Variants in EXOC2 observed in about 807,000 individuals in gnomAD.
EXOC2 encodes the protein exocyst complex component 2.
Under a neutral mutation model 131.8 loss-of-function variants are expected in EXOC2, and 70 were observed. The ratio of observed to expected loss-of-function variants is 0.53; its 90% CI spans 0.44 to 0.65. The LOEUF is 0.65. Ranked by LOEUF, EXOC2 falls within the 30% of genes least tolerant of loss-of-function variation. The probability of loss-of-function intolerance (pLI) is 0.00; values close to 1 mark genes in which losing one functional copy is unlikely to be tolerated. For synonymous variants in EXOC2, 411 were observed against 398.4 expected, an observed-to-expected ratio of 1.03 and a Z score of -0.38; for missense variants, 923 against 1,108.6, an observed-to-expected ratio of 0.83 and a Z score of 2.38.
intron 22 of EXOC2, among the ~76,000 whole-genome samples, chr6:539,072 G>A (rs1436195603): frequency 1.7e-4 from 24 of 142,210 alleles, no homozygotes; most frequent in Admixed American, 2.1e-4. Flanking sequence ...TCTGTCTGAA[G>A]AAAAAAAAAA....
intron 23 of EXOC2, among the ~76,000 whole-genome samples, chr6:513,233 T>A (rs1764955322): frequency 6.6e-6 from 1 of 152,254 alleles, no homozygotes; most frequent in South Asian, 2.1e-4. Context: ...CCAGACCACG[T>A]GCCGTACCAA....
At chr6:556,425 A>G in intron 18 of EXOC2, 59 bp downstream of exon 18, 1 of 1,561,596 alleles carries the variant, frequency 6.4e-7, no homozygotes. Flanking sequence ...AAAAATTTAC[A>G]ACTATGATTC....
chr6:598,817 T>C (rs1235641881), intron 9 of EXOC2, 43 bp downstream of exon 9: 5 of 1,493,322 alleles, frequency 3.3e-6, no homozygotes, highest in Non-Finnish European at 2.8e-6. Flanking sequence ...ATTCTTCCTA[T>C]AAAAGGAAAG....
intron 11 of EXOC2, among the ~76,000 whole-genome samples, chr6:587,092 G>A (rs1266308965): frequency 2.6e-5 from 4 of 152,036 alleles, no homozygotes; most frequent in Admixed American, 1.3e-4. Context: ...CATCCACCAA[G>A]GGTCCCTAGT....
intron 23 of EXOC2, among the ~76,000 whole-genome samples, chr6:518,077 C>A (rs145426437): frequency 1.3e-5 from 2 of 152,102 alleles, no homozygotes; most frequent in African/African-American, 4.8e-5. Context: ...AAAGCTTCTA[C>A]GAGAATTTGA....
chr6:571,376 T>C (rs1027475350), intron 13 of EXOC2, among the ~76,000 whole-genome samples: 4 of 152,254 alleles, frequency 2.6e-5, no homozygotes, highest in Non-Finnish European at 5.9e-5. Context: ...GTAAATTTTA[T>C]AGGTTAGAAA....
intron 1 of EXOC2, among the ~76,000 whole-genome samples, chr6:653,134 C>G (rs1762909262): frequency 6.6e-6 from 1 of 152,188 alleles, no homozygotes; most frequent in Non-Finnish European, 1.5e-5. Context: ...TTCTCTCTCC[C>G]TCTCCTCAAG....
intron 4 of EXOC2, among the ~76,000 whole-genome samples, chr6:629,404 G>A (rs1042764665): frequency 3.9e-5 from 6 of 152,282 alleles, no homozygotes; most frequent in South Asian, 4.1e-4. Context: ...AGTTAAATAA[G>A]TCTGGATTAA....
Position 549,117 on chromosome 6 carries a change from G to A in EXOC2, c.2238+58C>T. 3 of 1,419,336 alleles carry A rather than the reference G, an allele frequency of 2.1e-6. 1 individual carries two copies. The South Asian group carries it at 3.5e-5, about 16-fold the overall frequency. The allele number at this position is 1,419,336 out of a possible 1,614,324, so 87.9% of individuals were successfully genotyped here. A position where few individuals can be genotyped will look rare whatever the true frequency, so the allele number is the denominator to read the frequency against. On this transcript the variant is annotated intron_variant, in intron 22 of 27. Coordinates refer to ENST00000230449, the MANE Select transcript of EXOC2 (RefSeq NM_018303.6). ...CTAGCAGAACACAGGCTAGGAAACA[G>A]CTTGAAAACTGAGCTGGTAAAACCA...
At chr6:607,699 C>T (rs1039617207) in intron 7 of EXOC2, among the ~76,000 whole-genome samples, 5 of 152,230 alleles carry the variant, frequency 3.3e-5, no homozygotes, top group African/African-American at 7.2e-5. Flanking sequence ...TTGAACAATG[C>T]TGTTCTATAT....
intron 1 of EXOC2, among the ~76,000 whole-genome samples, chr6:653,146 C>G (rs968139213): frequency 3.9e-5 from 6 of 152,196 alleles, no homozygotes; most frequent in Non-Finnish European, 8.8e-5. Context: ...CTCCTCAAGC[C>G]TCCCTATTCC....
At chr6:564,458 TTTC>T in intron 15 of EXOC2, 84 bp downstream of exon 15, 1 of 1,526,634 alleles carries the variant, frequency 6.6e-7, no homozygotes, top group South Asian at 1.2e-5. Context: ...AAAAGAAGAA[TTTC>T]TTCTTCACTG....
At chr6:544,349 A>G (rs1471819034) in intron 22 of EXOC2, among the ~76,000 whole-genome samples, 2 of 152,170 alleles carry the variant, frequency 1.3e-5, no homozygotes, top group Non-Finnish European at 2.9e-5. Context: ...CTCTCTAAGT[A>G]TGTATGTTTA....
chr6:527,777 A>G (rs914148995), intron 23 of EXOC2, among the ~76,000 whole-genome samples: 1 of 152,250 alleles, frequency 6.6e-6, no homozygotes, highest in Non-Finnish European at 1.5e-5. Context: ...TAAGTTCACT[A>G]TTTACCTATA....
chr6:539,659 C>T (rs1766691257), intron 22 of EXOC2, among the ~76,000 whole-genome samples: 1 of 152,072 alleles, frequency 6.6e-6, no homozygotes, highest in Non-Finnish European at 1.5e-5. Context: ...TTAAAATTTC[C>T]AATTTGTGAT....
At chr6:514,659 G>T (rs966069029) in intron 23 of EXOC2, among the ~76,000 whole-genome samples, 5 of 152,212 alleles carry the variant, frequency 3.3e-5, no homozygotes, top group Admixed American at 2.6e-4. Context: ...CTGCTCCAGG[G>T]GCTCCAGGGA....
intron 23 of EXOC2, among the ~76,000 whole-genome samples, chr6:510,049 G>A (rs1040920735): frequency 2.3e-4 from 35 of 151,120 alleles, no homozygotes; most frequent in African/African-American, 8.5e-4. Flanking sequence ...TTTTTCAAGT[G>A]AATTATCTAT....
intron 1 of EXOC2, among the ~76,000 whole-genome samples, chr6:678,131 T>C (rs564486657): frequency 2.7e-4 from 41 of 152,292 alleles, no homozygotes; most frequent in African/African-American, 9.1e-4. Context: ...GCAAAGTGGA[T>C]TGACCAATAT....
chr6:559,746 G>C (rs1192797194), intron 17 of EXOC2, among the ~76,000 whole-genome samples: 2 of 152,166 alleles, frequency 1.3e-5, no homozygotes, highest in Non-Finnish European at 2.9e-5. Flanking sequence ...AGGTCTGGAG[G>C]CTTCCAGGGA....
Sources: gnomAD v4.1 joint callset for allele counts (sites outside exome capture counted in the v4.1 genomes callset) on GRCh38, gnomAD v4.1.1 for gene constraint, MANE v1.5 for transcripts, NCBI Gene and HGNC (gene_info 2026-07-23, HGNC 2026-07-21) for gene names.